Variants in CNOT1 observed in about 807,000 individuals in gnomAD.
CNOT1 encodes the protein CCR4-associated factor 1.
Under a neutral mutation model 273.8 loss-of-function variants are expected in CNOT1, and 15 were observed. The observed-to-expected ratio is 0.05, with a 90% CI of 0.04 to 0.08. The LOEUF (loss-of-function observed/expected upper bound fraction) is 0.08. Ranked by LOEUF, CNOT1 falls within the 10% of genes least tolerant of loss-of-function variation. The pLI is 1.00. For missense variants in CNOT1, 1,644 were observed against 2,912.2 expected (o/e 0.56, Z 10.02); for synonymous variants, 1,022 against 1,005.5 (o/e 1.02, Z -0.31).
chr16:58,614,932 G>A lies in CNOT1; in HGVS notation c.-175+14796C>T, dbSNP rs1424390501. On this transcript the variant is annotated intron_variant, in intron 1 of 48. Transcript: ENST00000317147. ...ATGTTGGCCAGGCTGGTCTTGGAAC[G>A]CCTGGCCTCAACTGATCTGCCCGCC... Among the ~76,000 whole-genome samples, 10 of 121,238 alleles carry A rather than the reference G, an allele frequency of 8.2e-5. 1 individual carries two copies. Among genetic ancestry groups the A allele is most frequent in the African/African-American group, 2.8e-4 (10 of 35,746 alleles). The allele number at this position is 121,238 out of a possible 152,430, so 79.5% of individuals were successfully genotyped here.
intron 1 of CNOT1, among the ~76,000 whole-genome samples, chr16:58,606,069 G>C (rs1432809961): frequency 6.6e-6 from 1 of 152,000 alleles, no homozygotes; most frequent in Non-Finnish European, 1.5e-5. Context: ...ACTGTTACCT[G>C]AACAATGATA....
chr16:58,535,585 T>C (rs2039901652), intron 39 of CNOT1, among the ~76,000 whole-genome samples: 1 of 152,232 alleles, frequency 6.6e-6, no homozygotes, highest in African/African-American at 2.4e-5. Context: ...ATTTCTTCCA[T>C]TCAAATTATA....
intron 39 of CNOT1, among the ~76,000 whole-genome samples, chr16:58,535,515 A>G (rs11861131): frequency 2.0e-5 from 3 of 152,228 alleles, no homozygotes; most frequent in African/African-American, 7.2e-5. Flanking sequence ...GGAAGGGCTG[A>G]GACAGGTGCC....
intron 40 of CNOT1, among the ~76,000 whole-genome samples, chr16:58,533,508 T>C (rs1597408103): frequency 2.6e-5 from 4 of 152,026 alleles, no homozygotes; most frequent in Admixed American, 2.6e-4. Flanking sequence ...CGGTGGCGGG[T>C]GCCTGTAGTC....
At position 58,576,491 on chromosome 16, in the gene CNOT1, C is replaced by T; in HGVS notation, c.1676G>A (p.Arg559Gln). The T allele has an allele frequency of 6.2e-7, 1 of 1,614,068 alleles. No homozygotes were observed. The highest frequency in any genetic ancestry group is 8.5e-7 in the Non-Finnish European group (1 of 1,180,000). The change falls in exon 14 of 49, where the codon CGA becomes CAA. Residue 559 changes from arginine to glutamine, a missense_variant. This residue lies in a region of CNOT1 where 706 missense variants were observed against 1,021.2 expected (regional missense o/e 0.69). Transcript: ENST00000317147. ...GEQYDQAKLS[R>Q]ILDVAQDLKA... ...CAAGTCCTGGGCCACATCAAGTATT[C>T]GAGACAATTTGGCCTGATCATACTG... is the stretch of plus-strand genomic sequence containing the variant.
chr16:58,613,319 A>G (rs1185671501), intron 1 of CNOT1, among the ~76,000 whole-genome samples: 2 of 131,686 alleles, frequency 1.5e-5, no homozygotes, highest in African/African-American at 5.2e-5. Flanking sequence ...GGCTTGAGTC[A>G]CCACGCCTGG....
Position 58,575,124 on chromosome 16 carries a change from C to T in CNOT1, c.1710G>A (p.Leu570=). 1 of 1,613,604 alleles carries T rather than the reference C, an allele frequency of 6.2e-7. No individual in the cohort carries two copies. The highest frequency in any genetic ancestry group is 8.5e-7 in the Non-Finnish European group (1 of 1,179,928). The change falls in exon 15 of 49, where the codon TTG becomes TTA. Residue 570 remains leucine (L), a synonymous_variant. Coordinates refer to ENST00000317147, the MANE Select transcript of CNOT1 (RefSeq NM_016284.5). ...ILDVAQDLKA[L]SMLLNGTPFA... is the part of the protein sequence containing the mutation. ...ATGGAGTACCATTTAGCAGCATTGA[C>T]AAGGCCTAAAGGACAAAGCACATTA... is the stretch of plus-strand genomic sequence containing the variant.
chr16:58,622,955 A>C (rs2043407409), intron 1 of CNOT1, among the ~76,000 whole-genome samples: 1 of 151,564 alleles, frequency 6.6e-6, no homozygotes, highest in Non-Finnish European at 1.5e-5. Context: ...CCCAGCACTT[A>C]GGGAGGCCAA....
chr16:58,539,052 C>T, intron 35 of CNOT1, 138 bp from the exon 36 acceptor site: 3 of 1,314,206 alleles, frequency 2.3e-6, no homozygotes, highest in South Asian at 1.5e-5. Flanking sequence ...CCAAACATCC[C>T]TTTCAGTTGC....
chr16:58,572,016 G>A (rs1165830158), intron 16 of CNOT1, among the ~76,000 whole-genome samples: 1 of 152,008 alleles, frequency 6.6e-6, no homozygotes, highest in Non-Finnish European at 1.5e-5. Context: ...GGGCGTGGTG[G>A]TTCACACCTG....
chr16:58,541,830 A>G (rs1297500193), intron 33 of CNOT1, among the ~76,000 whole-genome samples: 3 of 152,190 alleles, frequency 2.0e-5, no homozygotes, highest in Non-Finnish European at 4.4e-5. Context: ...CCTCATTTAT[A>G]AATTAACTGA....
chr16:58,581,207 TG>T, intron 11 of CNOT1, 137 bp downstream of exon 11: 1 of 970,174 alleles, frequency 1.0e-6, no homozygotes, highest in Non-Finnish European at 1.5e-6. Flanking sequence ...TCAATACTTA[TG>T]GACAGTCCTT....
rs184238638 is a variant in CNOT1 at position 58,603,657 on chromosome 16, C to A, written c.-174-4146G>T. Among the ~76,000 whole-genome samples the A allele has an allele frequency of 7.9e-4, 121 of 152,212 alleles. No homozygotes were observed. The East Asian group carries it at 0.021, about 27-fold the overall frequency. On this transcript the variant is annotated intron_variant, in intron 1 of 48. Coordinates refer to ENST00000317147, the MANE Select transcript of CNOT1 (RefSeq NM_016284.5). The stretch of plus-strand genomic sequence containing the variant: ...TCTGGCCACAGTGGCCTCCTTGTTG[C>A]TTCTCAGGTACACTCTCACCTTAAT...
intron 1 of CNOT1, among the ~76,000 whole-genome samples, chr16:58,629,466 C>G (rs980278858): frequency 7.2e-5 from 11 of 152,188 alleles, no homozygotes; most frequent in African/African-American, 2.7e-4. Context: ...GGGTCTCACC[C>G]CGCGCTCTAC....
rs2041654476 is a variant in CNOT1 at position 58,581,404 on chromosome 16, C to T, written c.1156G>A (p.Gly386Ser). 1.9e-5 allele frequency: 30 copies of T among 1,614,020 alleles called. No individual in the cohort carries two copies. The highest frequency in any genetic ancestry group is 2.5e-5 in the Non-Finnish European group (30 of 1,179,994). ...AGGTCTACTGGGAACACTTCCATAC[C>T]CAAACCCCTCTGAATGCCATAAACC... ...NVVYGIQRGL[G>S]MEVFPVDLIY... The change falls in exon 11 of 49, where the codon GGT (glycine) becomes AGT (serine). Residue 386 changes from glycine to serine, a missense_variant. Around this residue, in one of 13 missense-constraint regions of CNOT1, gnomAD observed 706 missense variants for 1,021.2 expected, o/e 0.69. Transcript: ENST00000317147.
intron 29 of CNOT1, 120 bp from the exon 30 acceptor site, chr16:58,545,611 G>T: frequency 6.8e-7 from 1 of 1,473,744 alleles, no homozygotes. Flanking sequence ...GGAGAGGAGG[G>T]AAGGATGTAG....
intron 34 of CNOT1, among the ~76,000 whole-genome samples, chr16:58,541,113 G>A (rs1464748776): frequency 3.3e-5 from 5 of 152,202 alleles, no homozygotes; most frequent in Non-Finnish European, 7.3e-5. Context: ...GCTGAGGTGG[G>A]AGGATCGCTT....
intron 24 of CNOT1, among the ~76,000 whole-genome samples, 157 bp downstream of exon 24, chr16:58,550,975 C>T (rs1362849810): frequency 2.0e-5 from 3 of 152,126 alleles, no homozygotes; most frequent in Non-Finnish European, 4.4e-5. Flanking sequence ...AAAACTGGTA[C>T]TATTTAATGT....
At position 58,587,260 on chromosome 16, in the gene CNOT1, A is replaced by C; in HGVS notation, c.379-5T>G. 1 of 1,613,844 alleles carries C rather than the reference A, an allele frequency of 6.2e-7. No individual in the cohort carries two copies. Among genetic ancestry groups the C allele is most frequent in the Non-Finnish European group, 8.5e-7 (1 of 1,179,924 alleles). On this transcript the variant is annotated splice_polypyrimidine_tract_variant and splice_region_variant and intron_variant, in intron 5 of 48. Coordinates refer to ENST00000317147, the MANE Select transcript of CNOT1 (RefSeq NM_016284.5). ...CAGGGCAAGGCCAAAAATTACCTGA[A>C]ACAAGAAGGATTAGATTAACCAAAG...
Sources: allele counts gnomAD v4.1 joint callset (sites outside exome capture counted in the v4.1 genomes callset), GRCh38; gene constraint gnomAD v4.1.1; regional missense constraint gnomAD v4.1.1; transcripts MANE v1.5; gene names NCBI Gene and HGNC (gene_info 2026-07-23, HGNC 2026-07-21).